Variants in CPNE4 observed in about 807,000 individuals in gnomAD.
CPNE4 encodes the protein copine-4.
A neutral mutation model predicts 67.9 loss-of-function variants in CPNE4; 25 were observed. The observed-to-expected ratio is 0.37, with a 90% CI of 0.27 to 0.51. The LOEUF (loss-of-function observed/expected upper bound fraction) is 0.51, where lower values mean the gene tolerates loss of function less well. CPNE4 is among the 20% of genes least tolerant of loss of function. The pLI, the probability that CPNE4 is intolerant of heterozygous loss-of-function variation, is 0.93. For synonymous variants in CPNE4, 242 were observed against 244.9 expected, an observed-to-expected ratio of 0.99 and a Z score of 0.11; for missense variants, 464 against 690.8, an observed-to-expected ratio of 0.67 and a Z score of 3.68.
chr3:131,556,362 C>A (rs116006443), intron 11 of CPNE4, among the ~76,000 whole-genome samples: 16 of 152,050 alleles, frequency 1.1e-4, no homozygotes, highest in Non-Finnish European at 1.8e-4. Flanking sequence ...GGTAATAGAC[C>A]AAGACTCTAT....
At position 131,812,206 on chromosome 3, in the gene CPNE4, TG is replaced by T. The variant is rs2084557297; in HGVS notation, c.181-88582del. Among the ~76,000 whole-genome samples the T allele has an allele frequency of 3.2e-5, 4 of 126,950 alleles. No homozygotes were observed. The South Asian group carries it at 1.1e-3, about 34-fold the overall frequency. The allele number at this position is 126,950 out of a possible 152,430, so 83.3% of individuals were successfully genotyped here. A position where few individuals can be genotyped will look rare whatever the true frequency, so the allele number is the denominator to read the frequency against. ...AGGAATAGAGAAGGTGGAAATAAGT[TG>T]GTAAAATTGGAAGAAAAAAAAAAAA... On this transcript the variant is annotated intron_variant, in intron 2 of 15. Coordinates refer to ENST00000429747, the MANE Select transcript of CPNE4 (RefSeq NM_130808.3).
At chr3:132,006,041 A>G (rs1295462399) in intron 1 of CPNE4, among the ~76,000 whole-genome samples, 1 of 152,154 alleles carries the variant, frequency 6.6e-6, no homozygotes, top group African/African-American at 2.4e-5. Context: ...GTTCTGTGAG[A>G]ATATAACATC....
chr3:131,726,030 T>C (rs1041262580), intron 2 of CPNE4, among the ~76,000 whole-genome samples: 1 of 152,214 alleles, frequency 6.6e-6, no homozygotes, highest in African/African-American at 2.4e-5. Context: ...TGATAGAGGA[T>C]TTGGAAATAA....
intron 1 of CPNE4, among the ~76,000 whole-genome samples, chr3:132,023,479 C>A (rs1278639927): frequency 1.2e-5 from 1 of 84,624 alleles, no homozygotes; most frequent in African/African-American, 5.2e-5. Context: ...GCAGATCAGC[C>A]TTTTTTTTTT....
At chr3:131,850,533 A>G (rs181203753) in intron 2 of CPNE4, among the ~76,000 whole-genome samples, 1 of 152,246 alleles carries the variant, frequency 6.6e-6, no homozygotes, top group African/African-American at 2.4e-5. Flanking sequence ...GCTTCTTTTC[A>G]AGTGTGACTC....
chr3:131,769,436 G>C (rs2083108348), intron 2 of CPNE4, among the ~76,000 whole-genome samples: 1 of 152,120 alleles, frequency 6.6e-6, no homozygotes, highest in African/African-American at 2.4e-5. Context: ...ATGGCTACCA[G>C]CTGATTGGTC....
At chr3:131,982,775 T>C (rs899667693) in intron 1 of CPNE4, among the ~76,000 whole-genome samples, 15 of 152,102 alleles carry the variant, frequency 9.9e-5, no homozygotes, top group African/African-American at 3.1e-4. Context: ...TGGCTTATAA[T>C]AAATTACATA....
At chr3:131,766,756 T>C (rs538726883) in intron 2 of CPNE4, among the ~76,000 whole-genome samples, 3 of 152,322 alleles carry the variant, frequency 2.0e-5, no homozygotes, top group East Asian at 3.9e-4. Flanking sequence ...ATAAAAATCA[T>C]ATATGTAATG....
intron 2 of CPNE4, among the ~76,000 whole-genome samples, chr3:131,758,278 A>G (rs1026321792): frequency 1.3e-5 from 2 of 152,212 alleles, no homozygotes; most frequent in African/African-American, 4.8e-5. Flanking sequence ...GAGCTGTCCA[A>G]GACCATGGGA....
At chr3:131,543,670 T>A (rs1397905156) in intron 14 of CPNE4, among the ~76,000 whole-genome samples, 4 of 152,222 alleles carry the variant, frequency 2.6e-5, no homozygotes, top group Non-Finnish European at 2.9e-5. Flanking sequence ...TGGATTTCTC[T>A]GTTTCTTTTT....
intron 8 of CPNE4, among the ~76,000 whole-genome samples, chr3:131,584,581 C>T (rs555700604): frequency 6.6e-6 from 1 of 152,210 alleles, no homozygotes; most frequent in South Asian, 2.1e-4. Context: ...AGCCTCCTAA[C>T]AGATCTCCCT....
intron 2 of CPNE4, among the ~76,000 whole-genome samples, chr3:131,859,657 G>C (rs4574338): frequency 0.4 from 60,238 of 151,866 alleles, 12,233 homozygotes; most frequent in Admixed American, 0.47. Flanking sequence ...TGCATTATAG[G>C]CAAGATTGAG....
chr3:131,789,035 C>CACACAG lies in CPNE4; in HGVS notation c.181-65411_181-65410insCTGTGT, dbSNP rs1553771459. On this transcript the variant is annotated intron_variant, in intron 2 of 15. Transcript: ENST00000429747. ...ACACACACACACACACACACACACA[C>CACACAG]AGAGAGAGAGAGAGAGAGAGAGAGA... Among the ~76,000 whole-genome samples the CACACAG allele has an allele frequency of 3.0e-3, 417 of 137,388 alleles. 6 individuals are homozygous for CACACAG. The South Asian group carries it at 0.038, about 12-fold the overall frequency. 90.1% of individuals were successfully genotyped at this position (137,388 alleles called of 152,430 possible). A position where few individuals can be genotyped will look rare whatever the true frequency, so the allele number is the denominator to read the frequency against.
intron 4 of CPNE4, among the ~76,000 whole-genome samples, chr3:131,698,594 A>AT (rs112494375): frequency 0.13 from 20,059 of 149,630 alleles, 1,578 homozygotes; most frequent in African/African-American, 0.2. Flanking sequence ...GCTCTTTTGA[A>AT]TTTTTCCTGT....
chr3:131,596,621 CAAAAAAAAAAAAAAAAAAAAA>C lies in CPNE4; in HGVS notation c.682-9060_682-9040del, dbSNP rs58456346. On this transcript the variant is annotated intron_variant, in intron 7 of 15. Coordinates refer to ENST00000429747, the MANE Select transcript of CPNE4 (RefSeq NM_130808.3). ...TGGGCGACAGAGCGAGACTCCGTCT[CAAAAAAAAAAAAAAAAAAAAA>C]AAAAAAAAAATTAAGTAAAGCAAAT... Among the ~76,000 whole-genome samples, 3 of 32,958 alleles carry C rather than the reference CAAAAAAAAAAAAAAAAAAAAA, an allele frequency of 9.1e-5. 1 individual carries two copies. Among genetic ancestry groups the C allele is most frequent in the African/African-American group, 2.8e-4 (3 of 10,652 alleles). The allele number at this position is 32,958 out of a possible 152,430, so 21.6% of individuals were successfully genotyped here.
At chr3:131,619,107 G>A (rs189561401) in intron 7 of CPNE4, among the ~76,000 whole-genome samples, 42 of 152,258 alleles carry the variant, frequency 2.8e-4, no homozygotes, top group Non-Finnish European at 5.4e-4. Flanking sequence ...GGATATGATT[G>A]TAGGTAAAAT....
chr3:131,996,030 T>C (rs939738894), intron 1 of CPNE4, among the ~76,000 whole-genome samples: 4 of 152,206 alleles, frequency 2.6e-5, no homozygotes, highest in Non-Finnish European at 5.9e-5. Context: ...GTGCAATATC[T>C]GACATTCACT....
intron 7 of CPNE4, among the ~76,000 whole-genome samples, chr3:131,644,541 C>A (rs1422690647): frequency 6.6e-6 from 1 of 152,160 alleles, no homozygotes; most frequent in Non-Finnish European, 1.5e-5. Flanking sequence ...TTTTTGCCAA[C>A]AGTTATTTTC....
chr3:131,796,440 A>AC lies in CPNE4; in HGVS notation c.181-72816_181-72815insG, dbSNP rs1583213260. ...GATTCTGGGCCTGCTCCCTCAGGTC[A>AC]AGAGCACACAACCACCTCACAGCTT... On this transcript the variant is annotated intron_variant, in intron 2 of 15. Coordinates refer to ENST00000429747, the MANE Select transcript of CPNE4 (RefSeq NM_130808.3). 3.3e-5 allele frequency among the ~76,000 whole-genome samples: 5 copies of AC among 152,336 alleles called. No homozygotes were observed. In the East Asian group the frequency reaches 9.6e-4, roughly 29 times the overall value.
Sources: allele counts gnomAD v4.1 joint callset (sites outside exome capture counted in the v4.1 genomes callset), GRCh38; gene constraint gnomAD v4.1.1; transcripts MANE v1.5; gene names NCBI Gene and HGNC (gene_info 2026-07-23, HGNC 2026-07-21).